The following COL15A1 variants were observed in gnomAD, a reference collection of about 807,000 sequenced individuals.
COL15A1 encodes collagen alpha-1(XV) chain.
A neutral mutation model predicts 165.9 loss-of-function variants in COL15A1; 111 were observed. The observed-to-expected ratio is 0.67, with a 90% CI of 0.57 to 0.78. The LOEUF (loss-of-function observed/expected upper bound fraction) is 0.78, where lower values mean the gene tolerates loss of function less well. Among genes scored for constraint, COL15A1 ranks in the 30% least tolerant of loss-of-function variants. The pLI is 0.00. For missense variants in COL15A1, 1,745 were observed against 1,789.7 expected (o/e 0.98, Z 0.45); for synonymous variants, 659 against 674.8 (o/e 0.98, Z 0.36).
intron 35 of COL15A1, 49 bp from the exon 36 acceptor site, chr9:99,059,833 CAGACATT>C (rs1825780809): frequency 6.2e-7 from 1 of 1,600,808 alleles, no homozygotes; most frequent in Non-Finnish European, 8.5e-7. Flanking sequence ...GCTGATACCT[CAGACATT>C]TTTCAGAGTG....
At chr9:99,056,469 C>T in intron 35 of COL15A1, 65 bp downstream of exon 35, 52 of 1,515,250 alleles carry the variant, frequency 3.4e-5, no homozygotes, top group Non-Finnish European at 4.6e-5. Context: ...GTCACAGCAT[C>T]TGGGTGGCTT....
chr9:99,014,346 C>A (rs1748452983), intron 9 of COL15A1, among the ~76,000 whole-genome samples: 1 of 152,176 alleles, frequency 6.6e-6, no homozygotes, highest in Admixed American at 6.5e-5. Context: ...GAGTTAGGTG[C>A]CTTCCATCAT....
chr9:98,961,964 G>C (rs918260595), intron 2 of COL15A1, among the ~76,000 whole-genome samples: 1 of 152,226 alleles, frequency 6.6e-6, no homozygotes, highest in African/African-American at 2.4e-5. Flanking sequence ...GGCCTCCCAG[G>C]CCACGACAGC....
intron 5 of COL15A1, among the ~76,000 whole-genome samples, chr9:98,991,980 G>A (rs892476364): frequency 1.3e-5 from 2 of 152,232 alleles, no homozygotes; most frequent in East Asian, 1.9e-4. Flanking sequence ...GGTGCTGATT[G>A]GTGTGTTTAC....
At chr9:99,051,441 A>G (rs778870809) in intron 30 of COL15A1, among the ~76,000 whole-genome samples, 1 of 152,170 alleles carries the variant, frequency 6.6e-6, no homozygotes, top group Non-Finnish European at 1.5e-5. Context: ...AACTCTCAAA[A>G]TGGACATTTT....
chr9:98,974,760 C>CCCA (rs893125902), intron 2 of COL15A1, among the ~76,000 whole-genome samples: 7 of 152,232 alleles, frequency 4.6e-5, no homozygotes, highest in African/African-American at 1.4e-4. Context: ...TGGGAATACA[C>CCCA]CCACCCGCTT....
chr9:99,003,540 C>T lies in COL15A1; in HGVS notation c.1153C>T (p.Pro385Ser), dbSNP rs770333629. 37 of 1,565,600 alleles carry T rather than the reference C, an allele frequency of 2.4e-5. 1 individual carries two copies. The South Asian group carries it at 4.3e-4, about 18-fold the overall frequency. The change falls in exon 8 of 42, where the codon CCA becomes TCA. Residue 385 changes from proline to serine, a missense_variant. Transcript: ENST00000375001. ...GGCCAGCAGTGTGCCCACCGGGGGA[C>T]CAACCCTCTCTATGTCCACGGAGAA... ...AEASSVPTGG[P>S]TLSMSTENPE...
intron 23 of COL15A1, 22 bp from the exon 24 acceptor site, chr9:99,042,023 A>T (rs746243836): frequency 6.5e-7 from 1 of 1,528,444 alleles, no homozygotes; most frequent in Middle Eastern, 1.7e-4. Context: ...ACAACCAAAT[A>T]CTATATAACA....
intron 6 of COL15A1, 89 bp downstream of exon 6, chr9:98,997,170 T>A (rs1838563625): frequency 6.7e-7 from 1 of 1,496,264 alleles, no homozygotes; most frequent in African/African-American, 1.4e-5. Context: ...ACATACAGAA[T>A]CTCATTTAAC....
chr9:99,059,231 G>A (rs746125170), intron 35 of COL15A1, among the ~76,000 whole-genome samples: 24 of 152,336 alleles, frequency 1.6e-4, no homozygotes, highest in Non-Finnish European at 2.5e-4. Context: ...AAAGCTAAGA[G>A]CTCCTGGCCG....
At chr9:98,961,310 CTCTT>C (rs1837862431) in intron 2 of COL15A1, among the ~76,000 whole-genome samples, 1 of 152,170 alleles carries the variant, frequency 6.6e-6, no homozygotes, top group Admixed American at 6.5e-5. Context: ...TACAAAAAGA[CTCTT>C]TATGTTTATA....
At chr9:99,030,219 C>T (rs1839195681) in intron 16 of COL15A1, among the ~76,000 whole-genome samples, 1 of 152,234 alleles carries the variant, frequency 6.6e-6, no homozygotes, top group African/African-American at 2.4e-5. Flanking sequence ...TACCTCATTC[C>T]TTTGCAATGT....
Position 98,986,035 on chromosome 9 carries a change from T to C in COL15A1, c.571T>C (p.Ser191Pro), listed in dbSNP as rs113791685. Residue 191 changes from serine to proline, a missense_variant, in exon 3 of 42, where the codon TCC becomes CCC. Ser to Pro is a moderately conservative substitution (Grantham distance 74). Transcript: ENST00000375001. ...EHSRIPFQRS[S>P]QALAFESSAG... Reference sequence around the variant, plus strand: ...CAGCCGCATCCCCTTCCAGCGGTCCTCCCAGGCTTTGGCTTTTGAGTCCAG... The same window carrying C: ...CAGCCGCATCCCCTTCCAGCGGTCCCCCCAGGCTTTGGCTTTTGAGTCCAG... 1,371 of 1,614,096 alleles carry C rather than the reference T, an allele frequency of 8.5e-4. 13 individuals carry two copies. In the African/African-American group the frequency reaches 0.016, roughly 19 times the overall value.
intron 2 of COL15A1, among the ~76,000 whole-genome samples, chr9:98,959,169 T>A (rs1837825095): frequency 7.0e-6 from 1 of 142,216 alleles, no homozygotes; most frequent in African/African-American, 2.6e-5. Flanking sequence ...GGTGGGAGGA[T>A]CTCTTGAAGC....
intron 36 of COL15A1, among the ~76,000 whole-genome samples, chr9:99,060,999 A>G (rs770120305): frequency 7.2e-5 from 11 of 152,260 alleles, no homozygotes; most frequent in Non-Finnish European, 1.2e-4. Flanking sequence ...GCCAAAGAAC[A>G]TCTCTGGCAC....
chr9:99,028,752 G>C (rs1312476985), intron 16 of COL15A1, among the ~76,000 whole-genome samples: 1 of 152,132 alleles, frequency 6.6e-6, no homozygotes, highest in Admixed American at 6.5e-5. Context: ...CACTGCTCAG[G>C]TGATGGGTGC....
chr9:99,001,520 A>C (rs147577331), intron 7 of COL15A1, among the ~76,000 whole-genome samples: 135 of 152,332 alleles, frequency 8.9e-4, no homozygotes, highest in African/African-American at 3.1e-3. Context: ...ATCTGGTAAC[A>C]GTCAATTTTC....
intron 23 of COL15A1, chr9:99,040,789 G>T: frequency 3.0e-6 from 2 of 659,614 alleles, no homozygotes; most frequent in South Asian, 2.2e-5. Flanking sequence ...AAAGTGCTGG[G>T]ATTACAAGCA....
rs1838303337 is a variant in COL15A1, at chr9:98,985,871, T to G, written c.407T>G (p.Leu136Arg). The G allele has an allele frequency of 6.2e-7, 1 of 1,613,728 alleles. No homozygotes were observed. The highest frequency in any genetic ancestry group is 1.3e-5 in the African/African-American group (1 of 74,912). ...GVEDGHQRII[L>R]YYTEPGSHVS... ...GAGGACGGCCACCAGCGGATCATCC[T>G]CTACTACACGGAGCCAGGCTCCCAT... Residue 136 changes from leucine to arginine, a missense_variant, in exon 3 of 42, where the codon CTC (leucine) becomes CGC (arginine). Physicochemically the swap from Leu to Arg is moderately radical, Grantham distance 102. Coordinates refer to ENST00000375001, the MANE Select transcript of COL15A1 (RefSeq NM_001855.5).
Sources: allele counts gnomAD v4.1 joint callset (sites outside exome capture counted in the v4.1 genomes callset), GRCh38; gene constraint gnomAD v4.1.1; transcripts MANE v1.5; gene names NCBI Gene and HGNC (gene_info 2026-07-23, HGNC 2026-07-21).